PLEKHA6: variants seen among roughly 807,000 people sequenced by gnomAD.
PLEKHA6 encodes pleckstrin homology domain containing A6, also known as pleckstrin homology domain-containing family A member 6.
In PLEKHA6, 60 loss-of-function variants were observed where a neutral mutation model predicts 116.7. The observed-to-expected ratio is 0.51, with a 90% CI of 0.42 to 0.64. The LOEUF (loss-of-function observed/expected upper bound fraction) is 0.64, where lower values mean the gene tolerates loss of function less well. Among genes scored for constraint, PLEKHA6 ranks in the 30% least tolerant of loss-of-function variants. PLEKHA6 has a pLI of 0.00. For missense variants in PLEKHA6, 1,338 were observed against 1,422.7 expected, an observed-to-expected ratio of 0.94 and a Z score of 0.96; for synonymous variants, 489 against 556.1, an observed-to-expected ratio of 0.88 and a Z score of 1.70.
At chr1:204,305,923 A>C (rs983552023) in intron 1 of PLEKHA6, among the ~76,000 whole-genome samples, 5 of 152,148 alleles carry the variant, frequency 3.3e-5, no homozygotes, top group African/African-American at 1.2e-4. Flanking sequence ...ATCACCTCTC[A>C]TACATTTCTC....
chr1:204,350,373 C>G (rs1673235712), intron 1 of PLEKHA6, among the ~76,000 whole-genome samples: 1 of 152,188 alleles, frequency 6.6e-6, no homozygotes, highest in African/African-American at 2.4e-5. Context: ...GATGTTCCAA[C>G]CTGTGTAACT....
chr1:204,246,216 T>G (rs1663654189), intron 13 of PLEKHA6, among the ~76,000 whole-genome samples: 1 of 152,158 alleles, frequency 6.6e-6, no homozygotes, highest in African/African-American at 2.4e-5. Context: ...TTAGCATCCC[T>G]CAGCACCAGG....
chr1:204,360,209 C>T (rs1250488694), upstream of PLEKHA6, among the ~76,000 whole-genome samples: 16 of 151,924 alleles, frequency 1.1e-4, no homozygotes, highest in Admixed American at 1.0e-3. Context: ...TTAGAGTCCC[C>T]CACAAGAGAC....
At chr1:204,349,594 C>T in intron 1 of PLEKHA6, among the ~76,000 whole-genome samples, 1 of 148,756 alleles carries the variant, frequency 6.7e-6, no homozygotes, top group East Asian at 2.0e-4. Context: ...AGGAATAAAA[C>T]TGGGCAGCAG....
chr1:204,266,002 C>T (rs1016132061), intron 5 of PLEKHA6, among the ~76,000 whole-genome samples: 1 of 152,180 alleles, frequency 6.6e-6, no homozygotes, highest in Non-Finnish European at 1.5e-5. Flanking sequence ...CTCTCCAATT[C>T]CCTGGGATCA....
rs140591112 is a variant in PLEKHA6 at position 204,287,893 on chromosome 1, C to T, written c.-94-13084G>A. 1.8e-4 allele frequency among the ~76,000 whole-genome samples: 28 copies of T among 152,294 alleles called. No individual in the cohort carries two copies. The East Asian group carries it at 3.5e-3, about 19-fold the overall frequency. On this transcript the variant is annotated intron_variant, in intron 1 of 22. Coordinates refer to ENST00000272203, the MANE Select transcript of PLEKHA6 (RefSeq NM_014935.5). The stretch of plus-strand genomic sequence containing the variant: ...CAATGGTTTGTATCTCTGGCTTCTG[C>T]GCTGAGCAGTTCACTCCCTTGGACT...
intron 1 of PLEKHA6, among the ~76,000 whole-genome samples, chr1:204,374,938 A>G (rs1673840412): frequency 6.6e-6 from 1 of 151,948 alleles, no homozygotes; most frequent in South Asian, 2.1e-4. Context: ...TCCTAAATCC[A>G]CTAGGCATTT....
At position 204,373,745 on chromosome 1, in the gene PLEKHA6, C is replaced by G. The variant is rs187818005; in HGVS notation, c.84-2139G>C. Among the ~76,000 whole-genome samples, 6 of 152,258 alleles carry G rather than the reference C, an allele frequency of 3.9e-5. No homozygotes were observed. In the East Asian group the frequency reaches 9.7e-4, roughly 25 times the overall value. ...TGCTTTTTTTTCTATTGACTCCACT[C>G]ATTTTCTCTAAGGTTGGACACCTGC... On this transcript the variant is annotated intron_variant, in intron 1 of 4. Transcript: ENST00000564627.
At chr1:204,311,081 G>A (rs975092209) in intron 1 of PLEKHA6, among the ~76,000 whole-genome samples, 28 of 152,156 alleles carry the variant, frequency 1.8e-4, no homozygotes, top group African/African-American at 6.0e-4. Context: ...CCTCCCAGCC[G>A]GTGCAGGAAA....
chr1:204,364,742 C>T (rs1470770810), upstream of PLEKHA6, among the ~76,000 whole-genome samples: 2 of 152,118 alleles, frequency 1.3e-5, no homozygotes, highest in Non-Finnish European at 1.5e-5. Context: ...GCTACTGGTT[C>T]TCGAAGTGTG....
intron 1 of PLEKHA6, among the ~76,000 whole-genome samples, chr1:204,358,714 T>TC (rs944321054): frequency 3.3e-5 from 5 of 151,866 alleles, no homozygotes; most frequent in African/African-American, 1.2e-4. Context: ...TCCAGCCTCC[T>TC]CCCCACCACC....
chr1:204,251,647 G>T, intron 9 of PLEKHA6: 1 of 699,848 alleles, frequency 1.4e-6, no homozygotes, highest in South Asian at 1.5e-5. Flanking sequence ...TTCACACTCC[G>T]ACCTACATGT....
rs959393696 is a variant in PLEKHA6, at chr1:204,238,398, G to A, written c.2409+2977C>T. Among the ~76,000 whole-genome samples, 3 of 152,130 alleles carry A rather than the reference G, an allele frequency of 2.0e-5. No homozygotes were observed. Among genetic ancestry groups the A allele is most frequent in the Admixed American group, 6.5e-5 (1 of 15,268 alleles). Reference sequence around the variant, plus strand: ...TTCTGCAGCTAACTACTCTCCTTTTGAGAGACACCTGTTGGTCTGTTACTG... The same window carrying A: ...TTCTGCAGCTAACTACTCTCCTTTTAAGAGACACCTGTTGGTCTGTTACTG... On this transcript the variant is annotated intron_variant, in intron 17 of 22. Coordinates refer to ENST00000272203, the MANE Select transcript of PLEKHA6 (RefSeq NM_014935.5). The surrounding 1 kb of genome is among the most constrained non-coding windows in gnomAD (Gnocchi z 4.2).
At chr1:204,336,063 C>T (rs1672636673) in intron 1 of PLEKHA6, among the ~76,000 whole-genome samples, 1 of 152,154 alleles carries the variant, frequency 6.6e-6, no homozygotes, top group African/African-American at 2.4e-5. Context: ...CTTCTGTCTC[C>T]AGTCACCAAC....
At chr1:204,320,188 C>T (rs1015962652) in intron 1 of PLEKHA6, among the ~76,000 whole-genome samples, 1 of 152,202 alleles carries the variant, frequency 6.6e-6, no homozygotes, top group Non-Finnish European at 1.5e-5. Flanking sequence ...GCTCCACCAC[C>T]CCTTCATGCC....
intron 1 of PLEKHA6, among the ~76,000 whole-genome samples, chr1:204,321,090 A>G (rs1371494038): frequency 6.6e-6 from 1 of 152,118 alleles, no homozygotes; most frequent in Non-Finnish European, 1.5e-5. Context: ...AGAATATGGA[A>G]TAGTGTTACC....
chr1:204,251,643 C>T (rs770165830), intron 9 of PLEKHA6: 2 of 700,490 alleles, frequency 2.9e-6, no homozygotes, highest in Non-Finnish European at 5.2e-6. Context: ...ACTATTCACA[C>T]TCCGACCTAC....
At chr1:204,242,065 A>G (rs555163985) in intron 15 of PLEKHA6, among the ~76,000 whole-genome samples, 1 of 152,274 alleles carries the variant, frequency 6.6e-6, no homozygotes, top group East Asian at 1.9e-4. Context: ...AGGCCCCTCA[A>G]CCTGACCATT....
At chr1:204,274,831 A>G in intron 1 of PLEKHA6, 22 bp from the exon 2 acceptor site, 5 of 985,806 alleles carry the variant, frequency 5.1e-6, no homozygotes, top group Non-Finnish European at 4.8e-6. Flanking sequence ...AAAACAGAAG[A>G]GTTGTGGTAA....
Sources: allele counts gnomAD v4.1 joint callset (sites outside exome capture counted in the v4.1 genomes callset), GRCh38; gene constraint gnomAD v4.1.1; non-coding constraint Gnocchi (gnomAD v3.1); transcripts MANE v1.5; gene names NCBI Gene and HGNC (gene_info 2026-07-23, HGNC 2026-07-21).